Variants in ACSS3 observed in about 807,000 individuals in gnomAD.
ACSS3 encodes acyl-CoA synthetase short-chain family member 3, mitochondrial.
In ACSS3, 64 loss-of-function variants were observed where a neutral mutation model predicts 84.2. That is an observed-to-expected ratio of 0.76 (90% CI 0.62 to 0.94). The LOEUF is 0.94. ACSS3 is among the 40% of genes least tolerant of loss of function. ACSS3 has a pLI of 0.00. For missense variants in ACSS3, 815 were observed against 867.6 expected, an observed-to-expected ratio of 0.94 and a Z score of 0.76; for synonymous variants, 317 against 310.1, an observed-to-expected ratio of 1.02 and a Z score of -0.23.
At chr12:81,100,216 G>GTTTTTTTTTTTTTTTTTTTTTTTTT (rs34512313) in intron 1 of ACSS3, among the ~76,000 whole-genome samples, 1 of 106,558 alleles carries the variant, frequency 9.4e-6, no homozygotes, top group Non-Finnish European at 1.9e-5. Flanking sequence ...AAAATTACCA[G>GTTTTTTTTTTTTTTTTTTTTTTTTT]TTTTTTTTTT....
intron 2 of ACSS3, among the ~76,000 whole-genome samples, chr12:81,130,420 T>G (rs1399632767): frequency 2.0e-5 from 3 of 152,232 alleles, no homozygotes; most frequent in Non-Finnish European, 4.4e-5. Flanking sequence ...TGCATAAATG[T>G]CTTCTTTTGA....
At chr12:81,254,756 A>G in intron 15 of ACSS3, 101 bp from the exon 16 acceptor site, 1 of 926,536 alleles carries the variant, frequency 1.1e-6, no homozygotes, top group Non-Finnish European at 1.6e-6. Context: ...TGAATATTAC[A>G]AGACAATGGG....
intron 1 of ACSS3, among the ~76,000 whole-genome samples, chr12:81,083,334 C>T (rs934686273): frequency 2.7e-5 from 4 of 150,710 alleles, no homozygotes; most frequent in African/African-American, 9.7e-5. Context: ...ATCTAAATTT[C>T]CTGTAAAAAA....
At chr12:81,225,973 A>G (rs916851908) in intron 11 of ACSS3, among the ~76,000 whole-genome samples, 3 of 151,888 alleles carry the variant, frequency 2.0e-5, no homozygotes, top group Admixed American at 2.0e-4. Flanking sequence ...CTCATACTAA[A>G]TCAACCTGCC....
At chr12:81,206,255 G>T (rs541498908) in intron 9 of ACSS3, among the ~76,000 whole-genome samples, 1 of 152,180 alleles carries the variant, frequency 6.6e-6, no homozygotes, top group South Asian at 2.1e-4. Context: ...ACATGTCTGT[G>T]TTTCAAAGAT....
intron 7 of ACSS3, among the ~76,000 whole-genome samples, chr12:81,163,076 C>T (rs1448024160): frequency 6.6e-6 from 1 of 152,054 alleles, no homozygotes; most frequent in Non-Finnish European, 1.5e-5. Context: ...GGAAAGTTGT[C>T]TCCACAGTAA....
chr12:81,121,915 A>ATATTATTATTATTAT (rs10527532), intron 2 of ACSS3, among the ~76,000 whole-genome samples: 6,630 of 146,070 alleles, frequency 0.045, 245 homozygotes, highest in African/African-American at 0.089. Flanking sequence ...AGAGTATGCT[A>ATATTATTATTATTAT]TATTATTATT....
intron 1 of ACSS3, among the ~76,000 whole-genome samples, chr12:81,105,912 T>C (rs1882953654): frequency 6.6e-6 from 1 of 152,166 alleles, no homozygotes; most frequent in Admixed American, 6.5e-5. Context: ...GCTTTTGAAC[T>C]ACTTGGGGAG....
chr12:81,199,517 T>A (rs1253821999), intron 9 of ACSS3, 73 bp downstream of exon 9: 43 of 1,519,994 alleles, frequency 2.8e-5, no homozygotes, highest in Non-Finnish European at 3.8e-5. Context: ...GGAGGAAACT[T>A]TTGAGCTACG....
At chr12:81,140,917 T>G (rs557828287) in intron 4 of ACSS3, among the ~76,000 whole-genome samples, 1 of 152,306 alleles carries the variant, frequency 6.6e-6, no homozygotes, top group East Asian at 1.9e-4. Flanking sequence ...TACTTCCAAA[T>G]ATTTTTTCTT....
At chr12:81,151,638 G>A (rs1341840097) in intron 5 of ACSS3, 2 of 445,554 alleles carry the variant, frequency 4.5e-6, no homozygotes, top group East Asian at 3.6e-5. Context: ...TCTAAAAATG[G>A]CACTAATGAG....
At chr12:81,199,117 G>A (rs1183223982) in intron 8 of ACSS3, among the ~76,000 whole-genome samples, 2 of 152,130 alleles carry the variant, frequency 1.3e-5, no homozygotes, top group Non-Finnish European at 2.9e-5. Context: ...CACTAGCTGT[G>A]AATTCTACTT....
chr12:81,228,557 A>T (rs1291854542), intron 11 of ACSS3, among the ~76,000 whole-genome samples: 1 of 151,686 alleles, frequency 6.6e-6, no homozygotes, highest in African/African-American at 2.4e-5. Flanking sequence ...CTAGCACCTT[A>T]TTTTTTCTCA....
intron 9 of ACSS3, among the ~76,000 whole-genome samples, chr12:81,214,863 A>G (rs2032843925): frequency 6.6e-6 from 1 of 152,230 alleles, no homozygotes; most frequent in Non-Finnish European, 1.5e-5. Flanking sequence ...CTTCTAAAAT[A>G]GATTTACTCT....
At chr12:81,244,040 A>T (rs1444764797) in intron 13 of ACSS3, among the ~76,000 whole-genome samples, 1 of 152,036 alleles carries the variant, frequency 6.6e-6, no homozygotes, top group Non-Finnish European at 1.5e-5. Context: ...CATTACCTCA[A>T]TTTTTTTCTT....
chr12:81,142,988 G>T, intron 4 of ACSS3, 119 bp from the exon 5 acceptor site: 2 of 919,250 alleles, frequency 2.2e-6, no homozygotes, highest in Non-Finnish European at 3.0e-6. Context: ...CTGATGTTCA[G>T]TGCCATATAG....
chr12:81,116,133 C>A (rs1347922121), intron 2 of ACSS3, among the ~76,000 whole-genome samples: 1 of 151,850 alleles, frequency 6.6e-6, no homozygotes, highest in Non-Finnish European at 1.5e-5. Context: ...AGCAGAAAGG[C>A]TTGTATTTCA....
chr12:81,145,604 A>G (rs150241941), intron 5 of ACSS3, among the ~76,000 whole-genome samples: 5 of 152,338 alleles, frequency 3.3e-5, no homozygotes, highest in Admixed American at 6.5e-5. Flanking sequence ...ATAGGACAGC[A>G]TGCTTAACAG....
chr12:81,108,267 T>TATTATTA (rs1555245686), intron 1 of ACSS3, among the ~76,000 whole-genome samples: 47,038 of 103,914 alleles, frequency 0.45, 9,955 homozygotes, highest in Non-Finnish European at 0.6. Flanking sequence ...TATTATTAAT[T>TATTATTA]ATTATTATTA....
Sources: allele counts gnomAD v4.1 joint callset (sites outside exome capture counted in the v4.1 genomes callset), GRCh38; gene constraint gnomAD v4.1.1; transcripts MANE v1.5; gene names NCBI Gene and HGNC (gene_info 2026-07-23, HGNC 2026-07-21).